The following CACNA2D2 variants were observed in gnomAD, a reference collection of about 807,000 sequenced individuals.
CACNA2D2 encodes calcium voltage-gated channel auxiliary subunit alpha2delta 2, also known as voltage-dependent calcium channel subunit alpha-2/delta-2.
A neutral mutation model predicts 166.4 loss-of-function variants in CACNA2D2; 48 were observed. The observed-to-expected ratio is 0.29, with a 90% CI of 0.23 to 0.37. The LOEUF is 0.37. Ranked by LOEUF, CACNA2D2 falls within the 10% of genes least tolerant of loss-of-function variation. CACNA2D2 has a pLI of 1.00. For missense variants in CACNA2D2, 1,122 were observed against 1,433.0 expected (o/e 0.78, Z 3.50); for synonymous variants, 561 against 573.7 (o/e 0.98, Z 0.32).
intron 1 of CACNA2D2, among the ~76,000 whole-genome samples, chr3:50,478,489 T>A (rs1575754033): frequency 6.6e-6 from 1 of 152,334 alleles, no homozygotes; most frequent in East Asian, 1.9e-4. Flanking sequence ...CTCACTGGTG[T>A]AGAGAACAAA....
chr3:50,428,958 C>T (rs557923580), intron 3 of CACNA2D2, among the ~76,000 whole-genome samples: 17 of 152,158 alleles, frequency 1.1e-4, no homozygotes, highest in Non-Finnish European at 1.9e-4. Flanking sequence ...GGCCAGGTGC[C>T]GTGGCTCACA....
At chr3:50,431,417 G>A (rs1708057498) in intron 3 of CACNA2D2, among the ~76,000 whole-genome samples, 1 of 152,130 alleles carries the variant, frequency 6.6e-6, no homozygotes, top group Non-Finnish European at 1.5e-5. Context: ...GGAGCGCTGG[G>A]AGGCCATGAG....
chr3:50,409,676 C>T (rs1285781903), intron 3 of CACNA2D2, among the ~76,000 whole-genome samples: 1 of 152,232 alleles, frequency 6.6e-6, no homozygotes, highest in South Asian at 2.1e-4. Flanking sequence ...TCTGTGGCCA[C>T]GGCTCTCTGA....
Position 50,434,403 on chromosome 3 carries a change from G to A in CACNA2D2, c.315C>T (p.Phe105=), listed in dbSNP as rs757250670. The A allele has an allele frequency of 8.1e-6, 13 of 1,613,932 alleles. No homozygotes were observed. Among genetic ancestry groups the A allele is most frequent in the South Asian group, 6.6e-5 (6 of 91,064 alleles). ...REIYKDNRNL[F]EVQENEPQKL... is the part of the protein sequence containing the mutation. ...TCTGAGGCTCATTCTCCTGTACCTC[G>A]AACAGGTTCCGGTTGTCCTTGTAAA... The change falls in exon 3 of 38, where the codon TTC becomes TTT. Residue 105 remains phenylalanine (F), a synonymous_variant. Transcript: ENST00000424201.
At chr3:50,430,735 C>A (rs1708025353) in intron 3 of CACNA2D2, among the ~76,000 whole-genome samples, 1 of 152,156 alleles carries the variant, frequency 6.6e-6, no homozygotes, top group Admixed American at 6.5e-5. Context: ...GGGTCCAAGT[C>A]TGCTATAAGA....
chr3:50,497,073 G>A (rs563095601), intron 1 of CACNA2D2, among the ~76,000 whole-genome samples: 10 of 152,282 alleles, frequency 6.6e-5, no homozygotes, highest in Non-Finnish European at 1.5e-4. Context: ...CTCAAAGGGG[G>A]TCAATCTGAA....
chr3:50,502,140 G>A (rs1698994032), intron 1 of CACNA2D2, among the ~76,000 whole-genome samples: 1 of 152,166 alleles, frequency 6.6e-6, no homozygotes, highest in Non-Finnish European at 1.5e-5. Flanking sequence ...TTTAAATGAC[G>A]CAGAGCCAGC....
rs916040274 is a variant in CACNA2D2, at chr3:50,476,472, C to A, written c.207-273G>T. ...GAGGGAGCTCAGCAGCTCAGAGAAGCCTGCAGTGAGGCTACTTTTCATTGT... is the reference window on the plus strand; with the variant it reads ...GAGGGAGCTCAGCAGCTCAGAGAAGACTGCAGTGAGGCTACTTTTCATTGT... On this transcript the variant is annotated intron_variant, in intron 1 of 37. Coordinates refer to ENST00000424201, the MANE Select transcript of CACNA2D2 (RefSeq NM_006030.4). 6.6e-5 allele frequency among the ~76,000 whole-genome samples: 10 copies of A among 152,324 alleles called. 1 individual carries two copies. The highest frequency in any genetic ancestry group is 6.5e-4 in the Admixed American group (10 of 15,298).
In CACNA2D2 at chr3:50,380,627, A is replaced by G; in HGVS notation, c.842+121T>C. The stretch of plus-strand genomic sequence containing the variant: ...TCCAGTGGCAACCATGTGTGAAATG[A>G]AAATTGGATACAGCTGGCTGCGCCC... On this transcript the variant is annotated intron_variant, in intron 8 of 37. Coordinates refer to ENST00000424201, the MANE Select transcript of CACNA2D2 (RefSeq NM_006030.4). The surrounding 1 kb of genome is among the most constrained non-coding windows in gnomAD (Gnocchi z 4.9). 1.2e-6 allele frequency: 1 copy of G among 810,176 alleles called. No individual in the cohort carries two copies. The highest frequency in any genetic ancestry group is 1.8e-5 in the African/African-American group (1 of 57,138). 50.2% of individuals were successfully genotyped at this position (810,176 alleles called of 1,614,324 possible).
intron 2 of CACNA2D2, among the ~76,000 whole-genome samples, chr3:50,474,274 T>A (rs1488030304): frequency 1.3e-5 from 2 of 151,960 alleles, no homozygotes; most frequent in Non-Finnish European, 2.9e-5. Flanking sequence ...TCCCTGGGAG[T>A]GAAAATGATC....
At chr3:50,370,025 C>T (rs1290194211) in intron 23 of CACNA2D2, among the ~76,000 whole-genome samples, 6 of 152,226 alleles carry the variant, frequency 3.9e-5, no homozygotes, top group African/African-American at 7.2e-5. Flanking sequence ...CACCCCAGGG[C>T]GGAAAGGGCT....
At position 50,368,147 on chromosome 3, in the gene CACNA2D2, A is replaced by C; in HGVS notation, c.2134T>G (p.Ser712Ala). Residue 712 changes from serine (S) to alanine (A), a missense_variant, in exon 24 of 38, where the codon TCC (serine) becomes GCC (alanine). This residue lies in a region of CACNA2D2 where 840 missense variants were observed against 1,166.8 expected (regional missense o/e 0.72). Transcript: ENST00000424201. ...IELMEKVTPD[S>A]KQCNNFLLHN... ...CCTGCCAGGCACTCACACTGCTTGGAGTCTGGAGTCACTTTCTCCATGAGC... is the reference window on the plus strand; with the variant it reads ...CCTGCCAGGCACTCACACTGCTTGGCGTCTGGAGTCACTTTCTCCATGAGC... The C allele has an allele frequency of 6.2e-7, 1 of 1,611,738 alleles. No individual in the cohort carries two copies. Among genetic ancestry groups the C allele is most frequent in the Non-Finnish European group, 8.5e-7 (1 of 1,177,966 alleles).
At chr3:50,493,014 A>T (rs1698580314) in intron 1 of CACNA2D2, among the ~76,000 whole-genome samples, 1 of 152,212 alleles carries the variant, frequency 6.6e-6, no homozygotes, top group Admixed American at 6.5e-5. Context: ...TGTGTGAAAT[A>T]TACCACCGGG....
chr3:50,431,488 C>G (rs1163090830), intron 3 of CACNA2D2, among the ~76,000 whole-genome samples: 1 of 152,122 alleles, frequency 6.6e-6, no homozygotes, highest in East Asian at 1.9e-4. Context: ...GGCTCAGAGT[C>G]AGGGAGACCT....
At chr3:50,458,826 C>T (rs191774192) in intron 2 of CACNA2D2, among the ~76,000 whole-genome samples, 6 of 152,366 alleles carry the variant, frequency 3.9e-5, no homozygotes, top group Admixed American at 1.3e-4. Context: ...TGGGGAACCC[C>T]AAAGGCTAGG....
At chr3:50,430,431 C>T (rs1455031184) in intron 3 of CACNA2D2, among the ~76,000 whole-genome samples, 5 of 152,318 alleles carry the variant, frequency 3.3e-5, no homozygotes, top group East Asian at 1.9e-4. Flanking sequence ...TACAAGTTGA[C>T]GCCCCTGGAG....
chr3:50,488,204 C>T (rs571853680), intron 1 of CACNA2D2, among the ~76,000 whole-genome samples: 5 of 152,294 alleles, frequency 3.3e-5, no homozygotes, highest in South Asian at 2.1e-4. Context: ...ACCCACAGAC[C>T]GACCGTGGGC....
Position 50,364,612 on chromosome 3 carries a change from G to C in CACNA2D2, c.*54C>G. 2.1e-6 allele frequency: 3 copies of C among 1,452,482 alleles called. No homozygotes were observed. The South Asian group carries it at 4.3e-5, about 21-fold the overall frequency. 90.0% of individuals were successfully genotyped at this position (1,452,482 alleles called of 1,614,324 possible). On this transcript the variant is annotated 3_prime_UTR_variant, in exon 38 of 38. Transcript: ENST00000424201. The stretch of plus-strand genomic sequence containing the variant: ...CGGGGAGTGTGGGGCAGGAGGGTGG[G>C]AAAGGCGAAGAGGCCGGGTGAGGTG...
chr3:50,492,983 T>C (rs1698579350), intron 1 of CACNA2D2, among the ~76,000 whole-genome samples: 1 of 152,154 alleles, frequency 6.6e-6, no homozygotes, highest in Non-Finnish European at 1.5e-5. Context: ...GAAAGTAGGA[T>C]AAAAATGGAC....
Sources: allele counts gnomAD v4.1 joint callset (sites outside exome capture counted in the v4.1 genomes callset), GRCh38; gene constraint gnomAD v4.1.1; regional missense constraint gnomAD v4.1.1; non-coding constraint Gnocchi (gnomAD v3.1); transcripts MANE v1.5; gene names NCBI Gene and HGNC (gene_info 2026-07-23, HGNC 2026-07-21).